Variants in PTGS1 observed in about 807,000 individuals in gnomAD.
PTGS1 encodes the protein prostaglandin G/H synthase 1.
A neutral mutation model predicts 63.0 loss-of-function variants in PTGS1; 40 were observed. The ratio of observed to expected loss-of-function variants is 0.63; its 90% CI spans 0.49 to 0.83. The LOEUF (loss-of-function observed/expected upper bound fraction) is 0.83, where lower values mean the gene tolerates loss of function less well. Among genes scored for constraint, PTGS1 ranks in the 40% least tolerant of loss-of-function variants. The probability of loss-of-function intolerance (pLI) is 0.00; values close to 1 mark genes in which losing one functional copy is unlikely to be tolerated. For synonymous variants in PTGS1, 298 were observed against 301.9 expected (o/e 0.99, Z 0.13); for missense variants, 709 against 786.5 (o/e 0.90, Z 1.18).
At chr9:122,388,889 C>T (rs1287499133) in intron 9 of PTGS1, among the ~76,000 whole-genome samples, 1 of 152,146 alleles carries the variant, frequency 6.6e-6, no homozygotes, top group Non-Finnish European at 1.5e-5. Flanking sequence ...GACTTCATTT[C>T]CAAATAAGGA....
chr9:122,390,504 C>G (rs1319669985), intron 10 of PTGS1, among the ~76,000 whole-genome samples, 159 bp downstream of exon 10: 2 of 152,154 alleles, frequency 1.3e-5, no homozygotes, highest in Non-Finnish European at 2.9e-5. Flanking sequence ...GTAAATAAGC[C>G]TGCTTGGGGA....
At chr9:122,382,035 T>C (rs1041078930) in intron 7 of PTGS1, among the ~76,000 whole-genome samples, 2 of 152,224 alleles carry the variant, frequency 1.3e-5, no homozygotes, top group African/African-American at 2.4e-5. Context: ...ACAATATTAA[T>C]TGGACACGAG....
intron 9 of PTGS1, 141 bp from the exon 10 acceptor site, chr9:122,390,057 T>C: frequency 1.0e-6 from 1 of 973,300 alleles, no homozygotes; most frequent in African/African-American, 1.7e-5. Context: ...GTCTGCAGCA[T>C]CACAACTGCT....
intron 2 of PTGS1, chr9:122,371,473 G>A (rs1836807021): frequency 8.0e-7 from 1 of 1,253,580 alleles, no homozygotes; most frequent in African/African-American, 1.5e-5. Flanking sequence ...GGGCTATCTA[G>A]TTCTTTCAGG....
Position 122,394,617 on chromosome 9 carries a change from T to A in PTGS1, c.*2073T>A, listed in dbSNP as rs956679688. 1.4e-4 allele frequency: 21 copies of A among 152,174 alleles called. No individual in the cohort carries two copies. The highest frequency in any genetic ancestry group is 4.8e-4 in the African/African-American group (20 of 41,408). The allele number at this position is 152,174 out of a possible 1,614,324, so 9.4% of individuals were successfully genotyped here. A position where few individuals can be genotyped will look rare whatever the true frequency, so the allele number is the denominator to read the frequency against. On this transcript the variant is annotated 3_prime_UTR_variant, in exon 11 of 11. Transcript: ENST00000362012. ...GAGAATCCTCTCCTTTCTTATTAAT[T>A]TCAGTCTTGGTGGTTCTATCAGGGG...
chr9:122,385,051 G>A (rs778280305), intron 8 of PTGS1, among the ~76,000 whole-genome samples: 8 of 152,064 alleles, frequency 5.3e-5, no homozygotes, highest in Non-Finnish European at 8.8e-5. Flanking sequence ...TCTGCCTCCC[G>A]GGTTCGAGCA....
rs1328701749 is a variant in PTGS1, at chr9:122,371,044, A to G, written c.-41A>G. On this transcript the variant is annotated 5_prime_UTR_variant, in exon 1 of 11. Transcript: ENST00000362012. ...CGGGCAGTGTGCGAGGCGCACGCAC[A>G]GGAGCCTGCACTCTGCGTCCCGCAC... 6.3e-7 allele frequency: 1 copy of G among 1,575,506 alleles called. No individual in the cohort carries two copies. Among genetic ancestry groups the G allele is most frequent in the Non-Finnish European group, 8.6e-7 (1 of 1,168,560 alleles).
In PTGS1 at chr9:122,395,473, CT is replaced by C. The variant is rs747748180; in HGVS notation, c.*2932del. 3.3e-5 allele frequency: 5 copies of C among 152,132 alleles called. No individual in the cohort carries two copies. The highest frequency in any genetic ancestry group is 7.3e-5 in the Non-Finnish European group (5 of 68,028). The allele number at this position is 152,132 out of a possible 1,614,324, so 9.4% of individuals were successfully genotyped here. ...GTGATTAACATCTACAATCAGTTGA[CT>C]TTAAGTGAAAGAGATTACTTAAATA... On this transcript the variant is annotated 3_prime_UTR_variant, in exon 11 of 11. Transcript: ENST00000362012.
At chr9:122,371,164 C>T (rs1191527628) in intron 1 of PTGS1, 22 bp from the exon 2 acceptor site, 12 of 1,608,518 alleles carry the variant, frequency 7.5e-6, no homozygotes, top group Non-Finnish European at 1.0e-5. Context: ...CAGGCTCAGC[C>T]CCTCATCTCT....
chr9:122,383,471 C>A, intron 7 of PTGS1, 38 bp from the exon 8 acceptor site: 4 of 1,566,280 alleles, frequency 2.6e-6, no homozygotes, highest in Middle Eastern at 3.4e-4. Context: ...CTGTGGGTGA[C>A]CCCCAACCCC....
chr9:122,376,570 C>T (rs1342886655), intron 2 of PTGS1, among the ~76,000 whole-genome samples: 1 of 152,164 alleles, frequency 6.6e-6, no homozygotes, highest in African/African-American at 2.4e-5. Context: ...ATTTCACCCT[C>T]AGCTGCTCTG....
At chr9:122,376,910 G>T (rs983991499) in intron 2 of PTGS1, among the ~76,000 whole-genome samples, 1 of 152,224 alleles carries the variant, frequency 6.6e-6, no homozygotes, top group African/African-American at 2.4e-5. Context: ...TTAGCAAGGG[G>T]GTGGTGGTCT....
At chr9:122,389,063 C>T (rs1374738770) in intron 9 of PTGS1, among the ~76,000 whole-genome samples, 7 of 151,578 alleles carry the variant, frequency 4.6e-5, no homozygotes, top group Non-Finnish European at 7.4e-5. Context: ...CTTTTTTGCC[C>T]AATTATAGTT....
At chr9:122,390,636 G>A (rs557319467) in intron 10 of PTGS1, among the ~76,000 whole-genome samples, 78 of 152,244 alleles carry the variant, frequency 5.1e-4, no homozygotes, top group African/African-American at 1.7e-3. Flanking sequence ...GGTGGCTCGC[G>A]CCTGTAATCC....
At chr9:122,390,473 T>C (rs1196122848) in intron 10 of PTGS1, 128 bp downstream of exon 10, 3 of 1,118,404 alleles carry the variant, frequency 2.7e-6, no homozygotes, top group African/African-American at 3.1e-5. Context: ...ATAATGGGCG[T>C]GGAAGTGCTG....
rs201523045 is a variant in PTGS1 at position 122,381,448 on chromosome 9, G to A, written c.574G>A (p.Gly192Ser). 9.4e-5 allele frequency: 151 copies of A among 1,614,154 alleles called. No homozygotes were observed. In the East Asian group the frequency reaches 1.6e-3, roughly 17 times the overall value. The stretch of plus-strand genomic sequence containing the variant: ...GAGGAAGTTCATACCTGACCCCCAA[G>A]GCACCAACCTCATGTTTGCCTTCTT... ...LRRKFIPDPQ[G>S]TNLMFAFFAQ... Residue 192 changes from glycine to serine, a missense_variant, in exon 6 of 11, where the codon GGC (glycine) becomes AGC (serine). By Grantham distance (56) the Gly-to-Ser change is moderately conservative. Transcript: ENST00000362012.
chr9:122,372,020 C>A (rs1159626922), intron 2 of PTGS1, among the ~76,000 whole-genome samples: 1 of 152,152 alleles, frequency 6.6e-6, no homozygotes, highest in Non-Finnish European at 1.5e-5. Context: ...TTCCCTCCCC[C>A]ATGCATGTGC....
chr9:122,379,451 G>A (rs574808051), intron 5 of PTGS1, among the ~76,000 whole-genome samples: 2 of 152,324 alleles, frequency 1.3e-5, no homozygotes, highest in South Asian at 2.1e-4. Flanking sequence ...CATCAGTTCA[G>A]CATCAAGTAC....
intron 1 of PTGS1, 29 bp from the exon 2 acceptor site, chr9:122,371,157 G>C (rs989977647): frequency 4.4e-6 from 7 of 1,607,994 alleles, no homozygotes; most frequent in Middle Eastern, 1.6e-4. Flanking sequence ...TGAATGCCAG[G>C]CTCAGCCCCT....
Sources: allele counts gnomAD v4.1 joint callset (sites outside exome capture counted in the v4.1 genomes callset), GRCh38; gene constraint gnomAD v4.1.1; transcripts MANE v1.5; gene names NCBI Gene and HGNC (gene_info 2026-07-23, HGNC 2026-07-21).